KLF12: variants seen among roughly 807,000 people sequenced by gnomAD.
KLF12 encodes the protein KLF transcription factor 12, also known as Krueppel-like factor 12.
KLF12 carries 9 observed loss-of-function variants against 37.8 expected under a neutral mutation model. That is an observed-to-expected ratio of 0.24 (90% CI 0.14 to 0.42). The LOEUF is 0.42. Among genes scored for constraint, KLF12 ranks in the 10% least tolerant of loss-of-function variants. The probability of loss-of-function intolerance (pLI) is 1.00; values close to 1 mark genes in which losing one functional copy is unlikely to be tolerated. For synonymous variants in KLF12, 208 were observed against 202.1 expected (o/e 1.03, Z -0.25); for missense variants, 411 against 516.0 (o/e 0.80, Z 1.97).
At chr13:74,062,066 A>G (rs1451747101) in intron 1 of KLF12, among the ~76,000 whole-genome samples, 2 of 152,168 alleles carry the variant, frequency 1.3e-5, no homozygotes, top group African/African-American at 4.8e-5. Context: ...CCCTATTTCT[A>G]ATAAACAAGG....
chr13:73,765,778 A>C (rs1879871783), intron 5 of KLF12, among the ~76,000 whole-genome samples: 1 of 152,116 alleles, frequency 6.6e-6, no homozygotes, highest in African/African-American at 2.4e-5. Context: ...TCCGGCTGCC[A>C]GCTTCCTGTT....
chr13:73,952,972 C>A (rs1486822908), intron 2 of KLF12, among the ~76,000 whole-genome samples: 1 of 152,140 alleles, frequency 6.6e-6, no homozygotes, highest in African/African-American at 2.4e-5. Context: ...CAGAGCTGTA[C>A]AGCCTTTGAT....
intron 3 of KLF12, among the ~76,000 whole-genome samples, chr13:73,865,714 C>T (rs9600178): frequency 0.16 from 24,663 of 152,088 alleles, 2,590 homozygotes; most frequent in Middle Eastern, 0.25. Context: ...AGTTATCCAA[C>T]ATGTACTTTA....
At chr13:73,781,018 G>A (rs1253309627) in intron 5 of KLF12, among the ~76,000 whole-genome samples, 1 of 152,182 alleles carries the variant, frequency 6.6e-6, no homozygotes, top group Non-Finnish European at 1.5e-5. Context: ...AACCCTCACT[G>A]TTGTCTTATT....
At chr13:74,287,199 C>T in the KLF12 span, among the ~76,000 whole-genome samples, 1 of 152,056 alleles carries the variant, frequency 6.6e-6, no homozygotes, top group African/African-American at 2.4e-5. Context: ...GGCTGGCTGC[C>T]GCTTCCACAG....
At chr13:74,157,196 C>CAAATATATAAATTAT in the KLF12 span, among the ~76,000 whole-genome samples, 1 of 152,134 alleles carries the variant, frequency 6.6e-6, no homozygotes, top group African/African-American at 2.4e-5. Flanking sequence ...GAGATATTTG[C>CAAATATATAAATTAT]TTTATTTAGC....
At chr13:74,189,071 C>G in the KLF12 span, among the ~76,000 whole-genome samples, 2 of 152,146 alleles carry the variant, frequency 1.3e-5, no homozygotes, top group African/African-American at 2.4e-5. Flanking sequence ...AGAAGTGCTC[C>G]TGTGCCTCAT....
At chr13:73,772,433 A>G (rs1880329208) in intron 5 of KLF12, among the ~76,000 whole-genome samples, 1 of 152,264 alleles carries the variant, frequency 6.6e-6, no homozygotes, top group Non-Finnish European at 1.5e-5. Context: ...GCCATGGTGC[A>G]TCTGAATTAA....
At chr13:74,148,529 G>T in the KLF12 span, among the ~76,000 whole-genome samples, 1 of 112,828 alleles carries the variant, frequency 8.9e-6, no homozygotes. Flanking sequence ...AATCTGCATT[G>T]GCTAAGGTCA....
chr13:73,962,583 T>A (rs1891052725), intron 2 of KLF12, among the ~76,000 whole-genome samples: 1 of 151,998 alleles, frequency 6.6e-6, no homozygotes, highest in Non-Finnish European at 1.5e-5. Flanking sequence ...TGTGTAGGGA[T>A]GAGGGGTAGA....
chr13:73,917,307 C>G (rs933109553), intron 3 of KLF12, among the ~76,000 whole-genome samples: 7 of 152,208 alleles, frequency 4.6e-5, no homozygotes, highest in African/African-American at 9.7e-5. Context: ...TGGTACTACC[C>G]CCTCTGCCTA....
chr13:73,695,781 G>A, intron 7 of KLF12, 110 bp from the exon 8 acceptor site: 2 of 1,032,916 alleles, frequency 1.9e-6, no homozygotes, highest in Admixed American at 4.3e-5. Context: ...TTTCCCGTTG[G>A]TAAATCTTTG....
chr13:73,760,258 T>C (rs1879460334), intron 6 of KLF12, among the ~76,000 whole-genome samples: 1 of 152,152 alleles, frequency 6.6e-6, no homozygotes, highest in African/African-American at 2.4e-5. Context: ...TAGAGACTGG[T>C]AGTGGCAGCA....
chr13:74,080,678 A>T (rs1280600486), intron 1 of KLF12, among the ~76,000 whole-genome samples: 1 of 152,230 alleles, frequency 6.6e-6, no homozygotes, highest in Non-Finnish European at 1.5e-5. Flanking sequence ...ATCAACAGAG[A>T]TCTATCAATT....
intron 1 of KLF12, among the ~76,000 whole-genome samples, chr13:74,115,573 C>A (rs529680594): frequency 6.6e-6 from 1 of 152,106 alleles, no homozygotes; most frequent in Middle Eastern, 3.4e-3. Context: ...GGCGTGATGG[C>A]AGGTACCTAT....
chr13:74,214,462 G>A, the KLF12 span, among the ~76,000 whole-genome samples: 1 of 152,306 alleles, frequency 6.6e-6, no homozygotes, highest in African/African-American at 2.4e-5. Flanking sequence ...TGGGAGATCT[G>A]AGAATGCTTT....
chr13:74,132,600 C>T (rs1165257728), intron 1 of KLF12, among the ~76,000 whole-genome samples: 1 of 152,200 alleles, frequency 6.6e-6, no homozygotes, highest in African/African-American at 2.4e-5. Flanking sequence ...AACTGTTTAT[C>T]CAGATTACAC....
rs367836346 is a variant in KLF12 at position 73,725,195 on chromosome 13, G to C, written c.870-9670C>G. Among the ~76,000 whole-genome samples the C allele has an allele frequency of 1.4e-4, 21 of 152,168 alleles. No individual in the cohort carries two copies. The East Asian group carries it at 3.1e-3, about 22-fold the overall frequency. The stretch of plus-strand genomic sequence containing the variant: ...AGCTCACTGCAACCTCCACCTCCTG[G>C]GTTCAAGCTATTCTCCTGACTCAGT... On this transcript the variant is annotated intron_variant, in intron 6 of 7. Coordinates refer to ENST00000377669, the MANE Select transcript of KLF12 (RefSeq NM_007249.5).
At chr13:74,273,556 G>A in the KLF12 span, among the ~76,000 whole-genome samples, 13 of 151,580 alleles carry the variant, frequency 8.6e-5, no homozygotes, top group Non-Finnish European at 1.5e-4. Flanking sequence ...TACTCTAATA[G>A]AATTGTGCTT....
Sources: gnomAD v4.1 joint callset for allele counts (sites outside exome capture counted in the v4.1 genomes callset) on GRCh38, gnomAD v4.1.1 for gene constraint, MANE v1.5 for transcripts, NCBI Gene and HGNC (gene_info 2026-07-23, HGNC 2026-07-21) for gene names.